The following DLGAP2 variants were observed in gnomAD, a reference collection of about 807,000 sequenced individuals.
DLGAP2 encodes the protein disks large-associated protein 2.
Under a neutral mutation model 100.3 loss-of-function variants are expected in DLGAP2, and 26 were observed. That is an observed-to-expected ratio of 0.26 (90% CI 0.19 to 0.36). The LOEUF (loss-of-function observed/expected upper bound fraction) is 0.36, where lower values mean the gene tolerates loss of function less well. Ranked by LOEUF, DLGAP2 falls within the 10% of genes least tolerant of loss-of-function variation. The pLI is 1.00. For missense variants in DLGAP2, 1,858 were observed against 1,453.2 expected, an observed-to-expected ratio of 1.28 and a Z score of -4.53; for synonymous variants, 886 against 630.1, an observed-to-expected ratio of 1.41 and a Z score of -6.08.
chr8:1,031,100 C>T (rs34409604), intron 2 of DLGAP2, among the ~76,000 whole-genome samples: 35,604 of 152,214 alleles, frequency 0.23, 4,275 homozygotes, highest in African/African-American at 0.26. Flanking sequence ...AGAAGCTTCT[C>T]AGCAGGTGCT....
intron 2 of DLGAP2, among the ~76,000 whole-genome samples, chr8:1,203,622 A>G (rs1489594422): frequency 1.3e-5 from 2 of 152,214 alleles, no homozygotes; most frequent in African/African-American, 4.8e-5. Flanking sequence ...TACTTCCTAC[A>G]GATAAGAAGA....
At chr8:1,001,785 A>G (rs4236863) in intron 2 of DLGAP2, among the ~76,000 whole-genome samples, 54,712 of 151,978 alleles carry the variant, frequency 0.36, 10,323 homozygotes, top group Non-Finnish European at 0.41. Flanking sequence ...CCAAATTTCC[A>G]TTACAATTTC....
rs148881122 is a variant in DLGAP2, at chr8:1,690,989, C to G, written c.2705-546C>G. 1.1e-4 allele frequency among the ~76,000 whole-genome samples: 17 copies of G among 152,290 alleles called. No individual in the cohort carries two copies. In the East Asian group the frequency reaches 3.1e-3, roughly 28 times the overall value. Reference sequence around the variant, plus strand: ...TCCTGTGAGGCCTCTGTCCACGCAGCCTCTTCCTACGTAACACACACCTCA... The same window carrying G: ...TCCTGTGAGGCCTCTGTCCACGCAGGCTCTTCCTACGTAACACACACCTCA... On this transcript the variant is annotated intron_variant, in intron 12 of 14. Coordinates refer to ENST00000637795, the MANE Select transcript of DLGAP2 (RefSeq NM_001346810.2).
intron 2 of DLGAP2, among the ~76,000 whole-genome samples, chr8:1,059,398 G>T (rs188451065): frequency 9.9e-5 from 15 of 152,218 alleles, no homozygotes; most frequent in Non-Finnish European, 1.5e-5. Flanking sequence ...GCACTCCTGA[G>T]CCCGAAGGCT....
intron 1 of DLGAP2, among the ~76,000 whole-genome samples, chr8:872,586 C>A (rs953766048): frequency 1.3e-5 from 2 of 152,150 alleles, no homozygotes; most frequent in Non-Finnish European, 2.9e-5. Flanking sequence ...ACCTTGGCCT[C>A]CCAAAGTGCT....
chr8:896,949 G>T (rs542224476), intron 1 of DLGAP2, among the ~76,000 whole-genome samples: 4 of 152,324 alleles, frequency 2.6e-5, no homozygotes, highest in African/African-American at 9.6e-5. Flanking sequence ...CTTTGTAAGA[G>T]ATTTGAGGGG....
chr8:1,275,219 A>G (rs1025570370), intron 3 of DLGAP2, among the ~76,000 whole-genome samples: 2 of 152,272 alleles, frequency 1.3e-5, no homozygotes, highest in South Asian at 4.1e-4. Flanking sequence ...GGGAAAAATC[A>G]TTCCTTTACG....
In DLGAP2 at chr8:1,683,834, C is replaced by CTATATATATATGTATATATATA. The variant is rs1554430742; in HGVS notation, c.2704+5216_2704+5217insGTATATATATATATATATATAT. ...CCTGATTTTCCTTGTCTTTGCTCCACTATATATATATATATATATATATGT... is the reference window on the plus strand; with the variant it reads ...CCTGATTTTCCTTGTCTTTGCTCCACTATATATATATGTATATATATATATATATATATATATATATATATGT... On this transcript the variant is annotated intron_variant, in intron 12 of 14. Transcript: ENST00000637795. 6.2e-4 allele frequency among the ~76,000 whole-genome samples: 35 copies of CTATATATATATGTATATATATA among 56,172 alleles called. 4 individuals are homozygous for CTATATATATATGTATATATATA. The highest frequency in any genetic ancestry group is 2.9e-3 in the African/African-American group (30 of 10,510). The allele number at this position is 56,172 out of a possible 152,430, so 36.9% of individuals were successfully genotyped here.
At chr8:1,239,621 C>T (rs1350606667) in intron 2 of DLGAP2, among the ~76,000 whole-genome samples, 14 of 62,232 alleles carry the variant, frequency 2.2e-4, no homozygotes, top group Admixed American at 2.2e-3. Context: ...CTAGTTCTCT[C>T]ACATGGCGCC....
intron 2 of DLGAP2, among the ~76,000 whole-genome samples, chr8:1,180,592 C>T (rs757132487): frequency 5.2e-5 from 6 of 114,562 alleles, no homozygotes; most frequent in South Asian, 2.5e-4. Flanking sequence ...AGCACACTGT[C>T]GAGTGTGTGT....
chr8:786,484 C>T (rs1821870948), intron 1 of DLGAP2, among the ~76,000 whole-genome samples: 1 of 152,124 alleles, frequency 6.6e-6, no homozygotes, highest in Non-Finnish European at 1.5e-5. Flanking sequence ...GCGTTTTCTT[C>T]CCACCCCCAC....
intron 2 of DLGAP2, among the ~76,000 whole-genome samples, chr8:1,233,477 A>T (rs938903985): frequency 2.0e-5 from 3 of 152,196 alleles, no homozygotes; most frequent in Non-Finnish European, 2.9e-5. Context: ...TAACGGGGCT[A>T]ATCGCAGAGC....
intron 1 of DLGAP2, among the ~76,000 whole-genome samples, chr8:861,534 G>T (rs1158772132): frequency 2.0e-5 from 3 of 152,192 alleles, no homozygotes. Flanking sequence ...GTAGGGTCTT[G>T]TCGAATGATA....
chr8:836,416 G>T (rs1034035492), intron 1 of DLGAP2, among the ~76,000 whole-genome samples: 4 of 152,202 alleles, frequency 2.6e-5, no homozygotes, highest in Non-Finnish European at 5.9e-5. Context: ...GCACTGGATG[G>T]GGCGATGCTC....
chr8:1,296,459 T>G (rs2116981061), intron 3 of DLGAP2, among the ~76,000 whole-genome samples: 1 of 152,358 alleles, frequency 6.6e-6, no homozygotes, highest in South Asian at 2.1e-4. Context: ...TGGAGATTTC[T>G]TAGCCCTCAT....
chr8:1,329,154 C>G (rs1049995706), intron 3 of DLGAP2, among the ~76,000 whole-genome samples: 5 of 152,142 alleles, frequency 3.3e-5, no homozygotes, highest in African/African-American at 1.2e-4. Flanking sequence ...CAAACTGGGC[C>G]CAGATCAGCC....
At chr8:1,576,129 G>A (rs1802964647) in intron 6 of DLGAP2, among the ~76,000 whole-genome samples, 1 of 152,114 alleles carries the variant, frequency 6.6e-6, no homozygotes, top group East Asian at 1.9e-4. Flanking sequence ...TCCAGCACCT[G>A]TTGTTTCCTG....
intron 2 of DLGAP2, among the ~76,000 whole-genome samples, chr8:1,192,037 C>T (rs375124997): frequency 1.3e-5 from 2 of 152,200 alleles, no homozygotes; most frequent in Non-Finnish European, 2.9e-5. Flanking sequence ...ACTGGACATT[C>T]GTAGCCGCTG....
intron 3 of DLGAP2, among the ~76,000 whole-genome samples, chr8:1,413,618 G>T (rs914628196): frequency 2.0e-5 from 3 of 152,216 alleles, no homozygotes; most frequent in African/African-American, 7.2e-5. Context: ...CCCTTCTCTG[G>T]ATGGAGGAAT....
Sources: allele counts gnomAD v4.1 joint callset (sites outside exome capture counted in the v4.1 genomes callset), GRCh38; gene constraint gnomAD v4.1.1; transcripts MANE v1.5; gene names NCBI Gene and HGNC (gene_info 2026-07-23, HGNC 2026-07-21).